The following ABCC3 variants were observed in gnomAD, a reference collection of about 807,000 sequenced individuals.
The protein encoded by ABCC3 is ATP binding cassette subfamily C member 3.
ABCC3 carries 121 observed loss-of-function variants against 165.3 expected under a neutral mutation model. The observed-to-expected ratio is 0.73, with a 90% CI of 0.63 to 0.85. ABCC3 has a LOEUF of 0.85. Among genes scored for constraint, ABCC3 ranks in the 40% least tolerant of loss-of-function variants. The pLI is 0.00. For synonymous variants in ABCC3, 733 were observed against 810.1 expected (o/e 0.90, Z 1.62); for missense variants, 1,869 against 1,964.1 (o/e 0.95, Z 0.92).
chr17:50,669,107 C>T, intron 15 of ABCC3, 33 bp from the exon 16 acceptor site: 2 of 1,588,946 alleles, frequency 1.3e-6, no homozygotes, highest in East Asian at 2.2e-5. Context: ...TGATCCCTGC[C>T]TCTAACTGGA....
chr17:50,661,153 G>A (rs1567830335), intron 8 of ABCC3, 39 bp downstream of exon 8: 1 of 1,528,918 alleles, frequency 6.5e-7, no homozygotes, highest in Admixed American at 2.0e-5. Context: ...CCTGCCCTGG[G>A]CAGCAGGGCT....
At chr17:50,664,405 A>G in intron 10 of ABCC3, 1 of 403,654 alleles carries the variant, frequency 2.5e-6, no homozygotes, top group South Asian at 2.6e-5. Flanking sequence ...GAGGGGATAT[A>G]GAATTGACAC....
intron 1 of ABCC3, among the ~76,000 whole-genome samples, chr17:50,637,783 G>A (rs987709824): frequency 5.3e-5 from 8 of 152,218 alleles, no homozygotes; most frequent in African/African-American, 1.7e-4. Context: ...GACATTCCCC[G>A]GAAGAGGGAG....
Position 50,678,010 on chromosome 17 carries a change from G to A in ABCC3, c.3578+67G>A, listed in dbSNP as rs765830684. ...CCCAGCAGGCTCTCTGGTGTTCAGGGTCCTTGTCCCTCCTTTCCCCTAAGC... is the reference window on the plus strand; with the variant it reads ...CCCAGCAGGCTCTCTGGTGTTCAGGATCCTTGTCCCTCCTTTCCCCTAAGC... On this transcript the variant is annotated intron_variant, in intron 24 of 30. Coordinates refer to ENST00000285238, the MANE Select transcript of ABCC3 (RefSeq NM_003786.4). 5.0e-6 allele frequency: 8 copies of A among 1,613,870 alleles called. No individual in the cohort carries two copies. In the African/African-American group the frequency reaches 6.7e-5, roughly 13 times the overall value.
intron 1 of ABCC3, among the ~76,000 whole-genome samples, chr17:50,652,306 C>T (rs745661114): frequency 3.4e-4 from 51 of 152,200 alleles, no homozygotes; most frequent in Non-Finnish European, 6.6e-4. Flanking sequence ...TTATTAAAGA[C>T]TATCTGGATC....
chr17:50,664,234 G>A (rs1050735060), intron 10 of ABCC3, 123 bp downstream of exon 10: 25 of 1,357,406 alleles, frequency 1.8e-5, no homozygotes, highest in Non-Finnish European at 2.3e-5. Flanking sequence ...AGGCGGCTGA[G>A]GCAAGAGGAT....
At chr17:50,645,047 A>G (rs986859103) in intron 1 of ABCC3, among the ~76,000 whole-genome samples, 1 of 151,382 alleles carries the variant, frequency 6.6e-6, no homozygotes, top group Non-Finnish European at 1.5e-5. Flanking sequence ...AACAGAAAAC[A>G]AAAATTAGCC....
intron 30 of ABCC3, among the ~76,000 whole-genome samples, chr17:50,690,163 AGGAGGGTACAGGAGGCTGG>A (rs901151111): frequency 2.0e-5 from 3 of 152,202 alleles, no homozygotes; most frequent in African/African-American, 7.2e-5. Flanking sequence ...GCCCCAAGGC[AGGAGGGTACAGGAGGCTGG>A]AGTGCGTGGG....
At chr17:50,657,386 G>T (rs893467535) in intron 4 of ABCC3, among the ~76,000 whole-genome samples, 1 of 152,210 alleles carries the variant, frequency 6.6e-6, no homozygotes, top group Non-Finnish European at 1.5e-5. Flanking sequence ...GAGCCAAGAT[G>T]CCACCACTGT....
At position 50,687,587 on chromosome 17, in the gene ABCC3, C is replaced by T. The variant is rs774128125; in HGVS notation, c.4332C>T (p.Ser1444=). ...TGGCCCGAGCCCTGCTCCGCAAGAG[C>T]CGCATCCTGGTTTTAGACGAGGCCA... ...VCLARALLRK[S]RILVLDEATA... is the part of the protein sequence containing the mutation. Residue 1444 remains serine, a synonymous_variant, in exon 30 of 31, where the codon AGC becomes AGT. Coordinates refer to ENST00000285238, the MANE Select transcript of ABCC3 (RefSeq NM_003786.4). 2 of 1,614,212 alleles carry T rather than the reference C, an allele frequency of 1.2e-6. No individual in the cohort carries two copies. The highest frequency in any genetic ancestry group is 1.7e-6 in the Non-Finnish European group (2 of 1,180,044).
At chr17:50,680,028 C>G in intron 26 of ABCC3, 129 bp downstream of exon 26, 2 of 667,726 alleles carry the variant, frequency 3.0e-6, no homozygotes, top group Non-Finnish European at 5.3e-6. Flanking sequence ...CCCATTCACT[C>G]CTTACTGAGC....
At chr17:50,656,407 C>G (rs1386727431) in intron 2 of ABCC3, among the ~76,000 whole-genome samples, 1 of 152,218 alleles carries the variant, frequency 6.6e-6, no homozygotes, top group Non-Finnish European at 1.5e-5. Flanking sequence ...CCTCTCCCAC[C>G]TCCTCGGCTG....
intron 1 of ABCC3, 188 bp downstream of exon 1, chr17:50,635,169 C>T: frequency 1.7e-6 from 1 of 599,600 alleles, no homozygotes; most frequent in Non-Finnish European, 2.6e-6. Context: ...AGCCGGGTCC[C>T]ACGCGGTGTC....
At chr17:50,666,263 G>A (rs1967525901) in intron 11 of ABCC3, among the ~76,000 whole-genome samples, 1 of 152,112 alleles carries the variant, frequency 6.6e-6, no homozygotes, top group South Asian at 2.1e-4. Flanking sequence ...CCTGAGGTTG[G>A]GAGATCGAGA....
At position 50,656,076 on chromosome 17, in the gene ABCC3, T is replaced by A. The variant is rs34495663; in HGVS notation, c.222+68T>A. The stretch of plus-strand genomic sequence containing the variant: ...GGGATTCTGCTTTTATTTTTTAATT[T>A]AATTAAATTAATTAATTAATTAATT... On this transcript the variant is annotated intron_variant, in intron 2 of 30. Coordinates refer to ENST00000285238, the MANE Select transcript of ABCC3 (RefSeq NM_003786.4). The A allele has an allele frequency of 9.3e-3, 10,707 of 1,146,460 alleles. 59 individuals are homozygous for A. The highest frequency in any genetic ancestry group is 0.012 in the Middle Eastern group (44 of 3,736). 71.0% of individuals were successfully genotyped at this position (1,146,460 alleles called of 1,614,324 possible). A position where few individuals can be genotyped will look rare whatever the true frequency, so the allele number is the denominator to read the frequency against.
At position 50,658,308 on chromosome 17, in the gene ABCC3, G is replaced by A. The variant is rs1967302338; in HGVS notation, c.612+101G>A. The A allele has an allele frequency of 1.9e-6, 3 of 1,592,854 alleles. No individual in the cohort carries two copies. In the Admixed American group the frequency reaches 5.0e-5, roughly 27 times the overall value. On this transcript the variant is annotated intron_variant, in intron 5 of 30. Coordinates refer to ENST00000285238, the MANE Select transcript of ABCC3 (RefSeq NM_003786.4). ...CTCCAGTTCCTTTCAAAGTGGGAGA[G>A]AGGTCATCCCCACAATCTGTAAACT...
At chr17:50,650,272 A>G (rs957795725) in intron 1 of ABCC3, among the ~76,000 whole-genome samples, 1 of 151,854 alleles carries the variant, frequency 6.6e-6, no homozygotes, top group African/African-American at 2.4e-5. Context: ...CACCCGGCTT[A>G]TTTTTTGTAT....
chr17:50,639,652 C>A (rs2054209518), intron 1 of ABCC3, among the ~76,000 whole-genome samples: 1 of 152,132 alleles, frequency 6.6e-6, no homozygotes. Context: ...CCCTCCCCTT[C>A]CCGAACTGAA....
intron 1 of ABCC3, 40 bp downstream of exon 1, chr17:50,635,021 G>A: frequency 1.6e-6 from 2 of 1,256,550 alleles, no homozygotes; most frequent in Non-Finnish European, 1.0e-6. Context: ...CGGGGGCCAG[G>A]GTCGGCCGGC....
Sources: allele counts gnomAD v4.1 joint callset (sites outside exome capture counted in the v4.1 genomes callset), GRCh38; gene constraint gnomAD v4.1.1; transcripts MANE v1.5; gene names NCBI Gene and HGNC (gene_info 2026-07-23, HGNC 2026-07-21).